Variants in MAP3K8 observed in about 807,000 individuals in gnomAD.
MAP3K8 encodes the protein Ewing sarcoma transformant.
In MAP3K8, 22 loss-of-function variants were observed where a neutral mutation model predicts 45.8. The observed-to-expected ratio is 0.48, with a 90% CI of 0.34 to 0.69. The LOEUF (loss-of-function observed/expected upper bound fraction) is 0.69, where lower values mean the gene tolerates loss of function less well. Among genes scored for constraint, MAP3K8 ranks in the 30% least tolerant of loss-of-function variants. The pLI is 0.01. For missense variants in MAP3K8, 419 were observed against 585.0 expected, an observed-to-expected ratio of 0.72 and a Z score of 2.93; for synonymous variants, 223 against 214.3, an observed-to-expected ratio of 1.04 and a Z score of -0.36.
In MAP3K8 at chr10:30,439,002, A is replaced by C. The variant is rs778965236; in HGVS notation, c.64A>C (p.Asn22His). Reference sequence around the variant, plus strand: ...GATTGATTTATTAATTAAACATTTAAATGTGTCTGATGTAATAGACATTAT... The same window carrying C: ...GATTGATTTATTAATTAAACATTTACATGTGTCTGATGTAATAGACATTAT... Reference protein sequence around the residue: ...EEIDLLIKHLNVSDVIDIMEN... With the variant: ...EEIDLLIKHLHVSDVIDIMEN... The change falls in exon 3 of 9, where the codon AAT becomes CAT. Residue 22 changes from asparagine to histidine, a missense_variant. Coordinates refer to ENST00000263056, the MANE Select transcript of MAP3K8 (RefSeq NM_005204.4). 54 of 1,612,492 alleles carry C rather than the reference A, an allele frequency of 3.3e-5. No homozygotes were observed. Among genetic ancestry groups the C allele is most frequent in the Non-Finnish European group, 4.6e-5 (54 of 1,178,616 alleles).
chr10:30,458,418 CAT>C (rs1014350318), intron 7 of MAP3K8, among the ~76,000 whole-genome samples, 182 bp downstream of exon 7: 2 of 152,216 alleles, frequency 1.3e-5, no homozygotes, highest in Non-Finnish European at 2.9e-5. Context: ...GCAAAGAAAA[CAT>C]AGCTATTTTA....
chr10:30,439,381 T>C (rs903278765), intron 3 of MAP3K8, 107 bp downstream of exon 3: 1 of 1,482,666 alleles, frequency 6.7e-7, no homozygotes, highest in African/African-American at 1.4e-5. Context: ...CTGGCAGGCA[T>C]GATTTTAAAA....
chr10:30,458,369 GC>G, intron 7 of MAP3K8, 133 bp downstream of exon 7: 1 of 534,340 alleles, frequency 1.9e-6, no homozygotes, highest in South Asian at 5.6e-5. Flanking sequence ...ATGACAGGTA[GC>G]TACAAGTTCT....
chr10:30,434,320 G>C lies in MAP3K8; in HGVS notation c.-313G>C, dbSNP rs1275456849. On this transcript the variant is annotated 5_prime_UTR_variant, in exon 1 of 9. Coordinates refer to ENST00000263056, the MANE Select transcript of MAP3K8 (RefSeq NM_005204.4). ...ACAGGCCTGCAGCCAGCATCGCACC[G>C]AACCTTCGGGGGGCCGCGGCTGGAG... is the stretch of plus-strand genomic sequence containing the variant. 2 of 386,630 alleles carry C rather than the reference G, an allele frequency of 5.2e-6. No individual in the cohort carries two copies. The highest frequency in any genetic ancestry group is 7.1e-6 in the Non-Finnish European group (2 of 282,480). 23.9% of individuals were successfully genotyped at this position (386,630 alleles called of 1,614,324 possible). A position where few individuals can be genotyped will look rare whatever the true frequency, so the allele number is the denominator to read the frequency against.
intron 3 of MAP3K8, among the ~76,000 whole-genome samples, chr10:30,440,695 G>A (rs1028099527): frequency 5.3e-5 from 8 of 152,138 alleles, no homozygotes; most frequent in African/African-American, 1.9e-4. Context: ...ATAAAGGATA[G>A]TTGGAGAACT....
chr10:30,447,143 C>T (rs961290435), intron 3 of MAP3K8, among the ~76,000 whole-genome samples: 5 of 152,212 alleles, frequency 3.3e-5, no homozygotes, highest in Admixed American at 6.5e-5. Flanking sequence ...TCAGCCATCT[C>T]GTTTGTGGCT....
intron 4 of MAP3K8, among the ~76,000 whole-genome samples, chr10:30,449,012 G>T (rs1349438753): frequency 6.6e-6 from 1 of 152,142 alleles, no homozygotes; most frequent in Non-Finnish European, 1.5e-5. Flanking sequence ...AAGAATAAAT[G>T]ATTTACAACT....
chr10:30,445,038 G>T (rs1408152086), intron 3 of MAP3K8, among the ~76,000 whole-genome samples: 1 of 152,198 alleles, frequency 6.6e-6, no homozygotes, highest in African/African-American at 2.4e-5. Context: ...GCTGTACTTA[G>T]AACTCAACAA....
chr10:30,452,170 TA>T (rs8177011), intron 6 of MAP3K8, among the ~76,000 whole-genome samples: 1 of 149,292 alleles, frequency 6.7e-6, no homozygotes, highest in Non-Finnish European at 1.5e-5. Context: ...CCCATCTCTA[TA>T]AAAAAAAACT....
intron 6 of MAP3K8, among the ~76,000 whole-genome samples, chr10:30,453,781 C>T (rs1176834973): frequency 2.0e-5 from 3 of 151,524 alleles, no homozygotes; most frequent in South Asian, 2.1e-4. Context: ...TAATCCCAAC[C>T]GTTCGAAAGG....
chr10:30,450,443 T>C lies in MAP3K8; in HGVS notation c.690T>C (p.Ile230=), dbSNP rs763369873. The stretch of plus-strand genomic sequence containing the variant: ...GTGGACCAATGAGAGAATTTGAAAT[T>C]ATTTGGGTGACAAAGCATGTTCTCA... The part of the protein sequence containing the change: ...ESCGPMREFE[I]IWVTKHVLKG... Residue 230 remains isoleucine, a synonymous_variant, in exon 5 of 9, where the codon ATT becomes ATC. Coordinates refer to ENST00000263056, the MANE Select transcript of MAP3K8 (RefSeq NM_005204.4). 1.2e-6 allele frequency: 2 copies of C among 1,614,128 alleles called. No individual in the cohort carries two copies. The highest frequency in any genetic ancestry group is 2.2e-5 in the East Asian group (1 of 44,880).
intron 4 of MAP3K8, among the ~76,000 whole-genome samples, 154 bp from the exon 5 acceptor site, chr10:30,450,104 G>A (rs1836484219): frequency 6.6e-6 from 1 of 152,210 alleles, no homozygotes; most frequent in Non-Finnish European, 1.5e-5. Context: ...GATCTGAGGT[G>A]AACATTATTG....
chr10:30,461,594 T>A lies in MAP3K8; in HGVS notation c.*758T>A, dbSNP rs1006285871. ...AATGAAAACTTTTGTAAATTATTGATGATTTTGTAATTCTTATGACTAAAT... is the reference window on the plus strand; with the variant it reads ...AATGAAAACTTTTGTAAATTATTGAAGATTTTGTAATTCTTATGACTAAAT... On this transcript the variant is annotated 3_prime_UTR_variant, in exon 9 of 9. Transcript: ENST00000263056. 3.7e-5 allele frequency: 7 copies of A among 189,744 alleles called. No individual in the cohort carries two copies. The highest frequency in any genetic ancestry group is 4.7e-5 in the African/African-American group (2 of 42,896). 11.8% of individuals were successfully genotyped at this position (189,744 alleles called of 1,614,324 possible).
In MAP3K8 at chr10:30,458,271, G is replaced by C. The variant is rs375391386; in HGVS notation, c.1026+35G>C. 62 of 1,366,946 alleles carry C rather than the reference G, an allele frequency of 4.5e-5. 1 individual carries two copies. Among genetic ancestry groups the C allele is most frequent in the Middle Eastern group, 2.0e-4 (1 of 5,110 alleles). The allele number at this position is 1,366,946 out of a possible 1,614,324, so 84.7% of individuals were successfully genotyped here. Reference sequence around the variant, plus strand: ...GTTCAACCAGGGCTGGGGGCGGCGGGGGGGGGCGTTGAGTTATGCATCCCG... The same window carrying C: ...GTTCAACCAGGGCTGGGGGCGGCGGCGGGGGGCGTTGAGTTATGCATCCCG... On this transcript the variant is annotated intron_variant, in intron 7 of 8. Coordinates refer to ENST00000263056, the MANE Select transcript of MAP3K8 (RefSeq NM_005204.4).
chr10:30,445,064 T>G (rs1198308819), intron 3 of MAP3K8, among the ~76,000 whole-genome samples: 2 of 152,228 alleles, frequency 1.3e-5, no homozygotes, highest in Non-Finnish European at 2.9e-5. Flanking sequence ...TGAAATTATC[T>G]TTTGTCCTCT....
At chr10:30,438,155 G>T (rs303448) in intron 2 of MAP3K8, among the ~76,000 whole-genome samples, 70,528 of 151,974 alleles carry the variant, frequency 0.46, 18,874 homozygotes, top group Non-Finnish European at 0.61. Context: ...CATTTATTTA[G>T]ATATTAATCT....
At chr10:30,448,052 G>A (rs949450148) in intron 4 of MAP3K8, 103 bp downstream of exon 4, 1 of 1,061,886 alleles carries the variant, frequency 9.4e-7, no homozygotes, top group Non-Finnish European at 1.4e-6. Context: ...GTTTGATTGG[G>A]TCTTATCTGA....
Position 30,459,509 on chromosome 10 carries a change from C to T in MAP3K8, c.1273+8C>T, listed in dbSNP as rs372212536. ...TTCCTGAGAACATTGCTGGTAGGGA[C>T]ACCCTGCTGTGTGCCGCACACTTAC... On this transcript the variant is annotated splice_region_variant and intron_variant, in intron 8 of 8. Coordinates refer to ENST00000263056, the MANE Select transcript of MAP3K8 (RefSeq NM_005204.4). 17 of 1,613,070 alleles carry T rather than the reference C, an allele frequency of 1.1e-5. No individual in the cohort carries two copies. The African/African-American group carries it at 2.0e-4, about 19-fold the overall frequency.
intron 6 of MAP3K8, among the ~76,000 whole-genome samples, chr10:30,454,060 C>T (rs1303780725): frequency 6.6e-6 from 1 of 152,076 alleles, no homozygotes; most frequent in African/African-American, 2.4e-5. Flanking sequence ...AGGTTGGATG[C>T]AAGCAGGAAG....
Sources: allele counts gnomAD v4.1 joint callset (sites outside exome capture counted in the v4.1 genomes callset), GRCh38; gene constraint gnomAD v4.1.1; transcripts MANE v1.5; gene names NCBI Gene and HGNC (gene_info 2026-07-23, HGNC 2026-07-21).